The following TNFAIP8 variants were observed in gnomAD, a reference collection of about 807,000 sequenced individuals.
The protein encoded by TNFAIP8 is tumor necrosis factor alpha-induced protein 8.
Under a neutral mutation model 13.3 loss-of-function variants are expected in TNFAIP8, and 7 were observed. The observed-to-expected ratio is 0.52, with a 90% confidence interval of 0.30 to 0.99. The LOEUF (loss-of-function observed/expected upper bound fraction) is 0.99, where lower values mean the gene tolerates loss of function less well. Ranked by LOEUF, TNFAIP8 falls within the 50% of genes least tolerant of loss-of-function variation. The pLI is 0.07. For synonymous variants in TNFAIP8, 94 were observed against 87.6 expected (o/e 1.07, Z -0.41); for missense variants, 258 against 236.9 (o/e 1.09, Z -0.58).
intron 1 of TNFAIP8, among the ~76,000 whole-genome samples, chr5:119,372,093 C>T (rs1359001152): frequency 1.2e-4 from 18 of 150,728 alleles, no homozygotes; most frequent in South Asian, 4.2e-4. Context: ...GCCGAGATCG[C>T]GCCATGGCAC....
intron 1 of TNFAIP8, among the ~76,000 whole-genome samples, chr5:119,337,437 T>A (rs1750591034): frequency 6.6e-6 from 1 of 152,204 alleles, no homozygotes. Context: ...CCTGAGGGCA[T>A]AGACCTCTGT....
At chr5:119,379,963 C>T (rs1752425554) in intron 1 of TNFAIP8, among the ~76,000 whole-genome samples, 1 of 152,180 alleles carries the variant, frequency 6.6e-6, no homozygotes, top group East Asian at 1.9e-4. Flanking sequence ...AAGTGGGATT[C>T]TGCAGCTGGC....
At chr5:119,375,014 T>G (rs1044352460) in intron 1 of TNFAIP8, among the ~76,000 whole-genome samples, 1 of 152,200 alleles carries the variant, frequency 6.6e-6, no homozygotes, top group African/African-American at 2.4e-5. Flanking sequence ...TTGTAGATTT[T>G]TAAAATGCTT....
Position 119,394,616 on chromosome 5 carries a change from T to A in TNFAIP8, c.*1235T>A, listed in dbSNP as rs1277769400. 6.8e-6 allele frequency: 1 copy of A among 147,438 alleles called. No individual in the cohort carries two copies. The highest frequency in any genetic ancestry group is 1.5e-5 in the Non-Finnish European group (1 of 67,188). 9.1% of individuals were successfully genotyped at this position (147,438 alleles called of 1,614,324 possible). On this transcript the variant is annotated 3_prime_UTR_variant, in exon 2 of 2. Transcript: ENST00000504771. Reference sequence around the variant, plus strand: ...CCATTGTCACTGTGTCTATGATTTTTTTTTTTTTTTTTTTGAGTCTCGCTC... The same window carrying A: ...CCATTGTCACTGTGTCTATGATTTTATTTTTTTTTTTTTTGAGTCTCGCTC...
Position 119,392,986 on chromosome 5 carries a change from G to A in TNFAIP8, c.202G>A (p.Ala68Thr). 1 of 1,612,662 alleles carries A rather than the reference G, an allele frequency of 6.2e-7. No homozygotes were observed. Among genetic ancestry groups the A allele is most frequent in the Non-Finnish European group, 8.5e-7 (1 of 1,179,326 alleles). Residue 68 changes from alanine (A) to threonine (T), a missense_variant, in exon 2 of 2, where the codon GCA becomes ACA. By Grantham distance (58) the Ala-to-Thr change is moderately conservative. Coordinates refer to ENST00000504771, the MANE Select transcript of TNFAIP8 (RefSeq NM_014350.4). The part of the protein sequence containing the change: ...TREYTQNKKE[A>T]EKIIKNLIKT... ...GGAGTACACCCAAAACAAGAAGGAG[G>A]CAGAGAAGATCATCAAGAACCTCAT...
intron 1 of TNFAIP8, among the ~76,000 whole-genome samples, chr5:119,372,161 CA>C (rs976713491): frequency 2.7e-5 from 4 of 149,168 alleles, no homozygotes; most frequent in African/African-American, 7.4e-5. Flanking sequence ...CCCATCTCCA[CA>C]AAAAAAATTA....
intron 1 of TNFAIP8, among the ~76,000 whole-genome samples, chr5:119,359,356 G>T (rs73239278): frequency 6.6e-6 from 1 of 151,764 alleles, no homozygotes. Flanking sequence ...ATCCCCTGTC[G>T]CCCTCTCTCA....
intron 1 of TNFAIP8, among the ~76,000 whole-genome samples, chr5:119,309,840 G>A (rs1749677098): frequency 1.3e-5 from 2 of 152,282 alleles, no homozygotes; most frequent in South Asian, 4.1e-4. Context: ...AGAAGTCTGG[G>A]GCGGACCATT....
chr5:119,285,153 C>T (rs762022382), intron 1 of TNFAIP8, among the ~76,000 whole-genome samples: 26 of 152,012 alleles, frequency 1.7e-4, no homozygotes, highest in Admixed American at 5.9e-4. Context: ...TCTGGACAGG[C>T]GAGCAGGAGG....
upstream of TNFAIP8, chr5:119,355,805 C>T: frequency 1.4e-6 from 1 of 694,082 alleles, no homozygotes; most frequent in Non-Finnish European, 1.8e-6. Context: ...GCGCCCGGGC[C>T]GAGCCAGCCC....
intron 1 of TNFAIP8, among the ~76,000 whole-genome samples, chr5:119,367,498 A>AT (rs1401914958): frequency 6.6e-6 from 1 of 152,110 alleles, no homozygotes; most frequent in East Asian, 1.9e-4. Context: ...TTTCCTTTCT[A>AT]TTTTTTTAAA....
At chr5:119,301,434 G>A (rs1442133053) in intron 1 of TNFAIP8, among the ~76,000 whole-genome samples, 1 of 152,172 alleles carries the variant, frequency 6.6e-6, no homozygotes, top group African/African-American at 2.4e-5. Context: ...CCTATGGGAA[G>A]CCTTCTCCAG....
At chr5:119,333,302 C>T in intron 1 of TNFAIP8, 3 of 1,161,926 alleles carry the variant, frequency 2.6e-6, no homozygotes, top group Non-Finnish European at 3.2e-6. Flanking sequence ...CCTCTCTGGA[C>T]TCACAATTAA....
At chr5:119,281,559 A>G (rs1256836016) in intron 1 of TNFAIP8, among the ~76,000 whole-genome samples, 1 of 152,216 alleles carries the variant, frequency 6.6e-6, no homozygotes, top group Non-Finnish European at 1.5e-5. Context: ...AAATAATGAC[A>G]TTAATACTAC....
chr5:119,299,418 AGTGGATTTTC>A lies in TNFAIP8; in HGVS notation c.1+30515_1+30524del, dbSNP rs901485929. On this transcript the variant is annotated intron_variant, in intron 1 of 1. Transcript: ENST00000274456. The stretch of plus-strand genomic sequence containing the variant: ...GTATCAGCAGCGGTGGCTGCAGAAC[AGTGGATTTTC>A]GTGAACCGCGAATGCTGCTGTCTGA... Among the ~76,000 whole-genome samples, 111 of 152,274 alleles carry A rather than the reference AGTGGATTTTC, an allele frequency of 7.3e-4. 2 individuals carry two copies. The highest frequency in any genetic ancestry group is 2.6e-3 in the African/African-American group (107 of 41,552).
At chr5:119,311,069 C>G (rs1187796055) in intron 1 of TNFAIP8, among the ~76,000 whole-genome samples, 1 of 152,112 alleles carries the variant, frequency 6.6e-6, no homozygotes. Flanking sequence ...GTTGCCTAGG[C>G]TGGAGTGCAA....
intron 1 of TNFAIP8, among the ~76,000 whole-genome samples, chr5:119,310,499 C>T (rs535955929): frequency 2.6e-5 from 4 of 152,266 alleles, no homozygotes; most frequent in African/African-American, 7.2e-5. Flanking sequence ...GGAGAGAGAG[C>T]GAAACCTGGT....
In TNFAIP8 at chr5:119,320,536, C is replaced by T. The variant is rs1388481845; in HGVS notation, c.1+51629C>T. 2.0e-5 allele frequency among the ~76,000 whole-genome samples: 3 copies of T among 152,188 alleles called. No homozygotes were observed. In the South Asian group the frequency reaches 6.2e-4, roughly 32 times the overall value. On this transcript the variant is annotated intron_variant, in intron 1 of 1. Transcript: ENST00000274456. ...CTCCCCTTCCTGCTGCCCCTCCCCA[C>T]TCCACTACTCCTCAAAAACCCTTTC...
At chr5:119,304,652 C>A (rs1749498539) in intron 1 of TNFAIP8, among the ~76,000 whole-genome samples, 1 of 152,250 alleles carries the variant, frequency 6.6e-6, no homozygotes, top group Non-Finnish European at 1.5e-5. Context: ...CATGAGCTCA[C>A]TTCTATGAGA....
Sources: allele counts gnomAD v4.1 joint callset (sites outside exome capture counted in the v4.1 genomes callset), GRCh38; gene constraint gnomAD v4.1.1; transcripts MANE v1.5; gene names NCBI Gene and HGNC (gene_info 2026-07-23, HGNC 2026-07-21).